EFL1: variants seen among roughly 807,000 people sequenced by gnomAD.
EFL1 encodes the protein elongation factor-like GTPase 1.
EFL1 carries 76 observed loss-of-function variants against 126.7 expected under a neutral mutation model. The observed-to-expected ratio is 0.60, with a 90% confidence interval of 0.50 to 0.73. The LOEUF (loss-of-function observed/expected upper bound fraction) is 0.73, where lower values mean the gene tolerates loss of function less well. EFL1 is among the 30% of genes least tolerant of loss of function. The probability of loss-of-function intolerance (pLI) is 0.00; values close to 1 mark genes in which losing one functional copy is unlikely to be tolerated. For missense variants in EFL1, 1,128 were observed against 1,343.2 expected, an observed-to-expected ratio of 0.84 and a Z score of 2.50; for synonymous variants, 410 against 448.4, an observed-to-expected ratio of 0.91 and a Z score of 1.08.
chr15:82,133,034 C>T (rs1189640118), intron 19 of EFL1, among the ~76,000 whole-genome samples: 3 of 152,096 alleles, frequency 2.0e-5, no homozygotes, highest in Admixed American at 2.0e-4. Context: ...CCTGACTGGT[C>T]AAAAGCCACC....
chr15:82,222,431 G>A (rs535804095), intron 12 of EFL1, among the ~76,000 whole-genome samples: 2 of 152,256 alleles, frequency 1.3e-5, no homozygotes, highest in South Asian at 4.1e-4. Flanking sequence ...ATGTAAATGT[G>A]ATTTCACTTT....
intron 15 of EFL1, 140 bp from the exon 16 acceptor site, chr15:82,164,124 C>G: frequency 9.5e-7 from 1 of 1,053,406 alleles, no homozygotes; most frequent in South Asian, 1.9e-5. Flanking sequence ...GGCGGACCTG[C>G]ACTGTTTTTT....
intron 8 of EFL1, 86 bp downstream of exon 8, chr15:82,230,762 A>T: frequency 6.9e-7 from 1 of 1,459,002 alleles, no homozygotes; most frequent in Non-Finnish European, 9.1e-7. Context: ...ATTAAAGCTG[A>T]ATTACATTTA....
At chr15:82,217,893 A>C (rs2074667838) in intron 14 of EFL1, among the ~76,000 whole-genome samples, 1 of 152,192 alleles carries the variant, frequency 6.6e-6, no homozygotes, top group Non-Finnish European at 1.5e-5. Flanking sequence ...CTTGATGAAG[A>C]GGGCCTCCAA....
rs2074858185 is a variant in EFL1 at position 82,234,992 on chromosome 15, G to A, written c.731+3315C>T. On this transcript the variant is annotated intron_variant, in intron 7 of 19. Coordinates refer to ENST00000268206, the MANE Select transcript of EFL1 (RefSeq NM_024580.6). The stretch of plus-strand genomic sequence containing the variant: ...TACCTACTCCATTCTGAAATCCAAT[G>A]TCACTGTTAACATGGCCTCAGCATG... 3.3e-5 allele frequency among the ~76,000 whole-genome samples: 5 copies of A among 152,154 alleles called. No homozygotes were observed. In the South Asian group the frequency reaches 1.0e-3, roughly 32 times the overall value.
chr15:82,211,542 A>T (rs1230684753), intron 15 of EFL1, among the ~76,000 whole-genome samples: 1 of 94,284 alleles, frequency 1.1e-5, no homozygotes, highest in Non-Finnish European at 2.2e-5. Context: ...AAAAAAAAAA[A>T]TCTATATACA....
At chr15:82,152,495 A>T in intron 17 of EFL1, 72 bp from the exon 18 acceptor site, 8 of 1,248,556 alleles carry the variant, frequency 6.4e-6, no homozygotes, top group Non-Finnish European at 8.8e-6. Flanking sequence ...TGTAGAAATT[A>T]CTACACAGTG....
chr15:82,134,642 A>T (rs1420130841), intron 19 of EFL1, among the ~76,000 whole-genome samples: 1 of 152,212 alleles, frequency 6.6e-6, no homozygotes, highest in Non-Finnish European at 1.5e-5. Context: ...GTGCTATTGT[A>T]ATCACTTCAC....
chr15:82,241,735 C>T (rs138176100), intron 4 of EFL1, among the ~76,000 whole-genome samples: 207 of 152,320 alleles, frequency 1.4e-3, no homozygotes, highest in African/African-American at 4.9e-3. Flanking sequence ...ATACATATTA[C>T]TATTCTCCTT....
chr15:82,170,336 G>C (rs563874461), intron 15 of EFL1, among the ~76,000 whole-genome samples: 1 of 151,684 alleles, frequency 6.6e-6, no homozygotes, highest in East Asian at 1.9e-4. Flanking sequence ...GGATGGTCTC[G>C]ATCTCCTGAC....
At chr15:82,190,783 T>C (rs1399139796) in intron 15 of EFL1, among the ~76,000 whole-genome samples, 1 of 152,218 alleles carries the variant, frequency 6.6e-6, no homozygotes. Flanking sequence ...GTGTTATGTA[T>C]GTGTATTATC....
At chr15:82,182,780 G>A (rs912742299) in intron 15 of EFL1, among the ~76,000 whole-genome samples, 16 of 151,668 alleles carry the variant, frequency 1.1e-4, no homozygotes, top group African/African-American at 3.6e-4. Flanking sequence ...AACCGAGATC[G>A]CGCCACTGTA....
intron 14 of EFL1, among the ~76,000 whole-genome samples, 182 bp from the exon 15 acceptor site, chr15:82,215,037 T>C (rs1465999769): frequency 6.6e-6 from 1 of 152,214 alleles, no homozygotes. Flanking sequence ...AAATCTGAAA[T>C]ACTCAAACTT....
chr15:82,225,088 C>A lies in EFL1; in HGVS notation c.1292+77G>T, dbSNP rs2651722. 3.2e-4 allele frequency: 362 copies of A among 1,121,874 alleles called. 2 individuals carry two copies. The highest frequency in any genetic ancestry group is 2.0e-3 in the East Asian group (78 of 39,906). 69.5% of individuals were successfully genotyped at this position (1,121,874 alleles called of 1,614,324 possible). A position where few individuals can be genotyped will look rare whatever the true frequency, so the allele number is the denominator to read the frequency against. ...GAGGAAAAGCATTATCCGTGCCCCC[C>A]CTACCCACAGCCCAACTGCATCCCA... On this transcript the variant is annotated intron_variant, in intron 12 of 19. Transcript: ENST00000268206.
At chr15:82,135,023 G>T (rs1190951728) in intron 19 of EFL1, among the ~76,000 whole-genome samples, 2 of 152,022 alleles carry the variant, frequency 1.3e-5, no homozygotes, top group African/African-American at 4.8e-5. Context: ...TAACTATGGG[G>T]GAAAAACCAA....
chr15:82,201,591 A>G (rs1193100715), intron 15 of EFL1, among the ~76,000 whole-genome samples: 1 of 152,092 alleles, frequency 6.6e-6, no homozygotes, highest in Non-Finnish European at 1.5e-5. Flanking sequence ...TTAATAAAAC[A>G]AATTATACTG....
chr15:82,215,214 AT>A (rs1485582147), intron 14 of EFL1, among the ~76,000 whole-genome samples: 1 of 152,184 alleles, frequency 6.6e-6, no homozygotes, highest in African/African-American at 2.4e-5. Flanking sequence ...CTGTGCTATC[AT>A]TTGAACACTC....
chr15:82,147,020 C>A (rs1238936914), intron 18 of EFL1, among the ~76,000 whole-genome samples: 1 of 152,070 alleles, frequency 6.6e-6, no homozygotes, highest in Non-Finnish European at 1.5e-5. Context: ...GGCCTGGTCA[C>A]ATGCCGTGTC....
At chr15:82,240,653 C>G in intron 5 of EFL1, 98 bp from the exon 6 acceptor site, 1 of 1,389,558 alleles carries the variant, frequency 7.2e-7, no homozygotes, top group Non-Finnish European at 9.8e-7. Context: ...CTATGCCAGT[C>G]AGACAAAGGT....
Sources: allele counts gnomAD v4.1 joint callset (sites outside exome capture counted in the v4.1 genomes callset), GRCh38; gene constraint gnomAD v4.1.1; transcripts MANE v1.5; gene names NCBI Gene and HGNC (gene_info 2026-07-23, HGNC 2026-07-21).